Variants in LDLRAD4 observed in about 807,000 individuals in gnomAD.
The protein encoded by LDLRAD4 is low-density lipoprotein receptor class A domain-containing protein 4.
Under a neutral mutation model 17.0 loss-of-function variants are expected in LDLRAD4, and 5 were observed. That is an observed-to-expected ratio of 0.29 (90% CI 0.15 to 0.62). The LOEUF (loss-of-function observed/expected upper bound fraction) is 0.62. LDLRAD4 is among the 20% of genes least tolerant of loss of function. The pLI, the probability that LDLRAD4 is intolerant of heterozygous loss-of-function variation, is 0.84. For synonymous variants in LDLRAD4, 168 were observed against 171.8 expected (o/e 0.98, Z 0.17); for missense variants, 340 against 424.7 (o/e 0.80, Z 1.75).
chr18:13,375,006 G>A (rs963729611), intron 1 of LDLRAD4, among the ~76,000 whole-genome samples: 2 of 152,308 alleles, frequency 1.3e-5, no homozygotes, highest in East Asian at 1.9e-4. Context: ...AACAGATTGC[G>A]GGAACACTGG....
At chr18:13,410,658 A>G (rs777667362) in intron 2 of LDLRAD4, among the ~76,000 whole-genome samples, 1 of 152,238 alleles carries the variant, frequency 6.6e-6, no homozygotes, top group Admixed American at 6.5e-5. Context: ...TATGTTGTGT[A>G]TACATTTCTC....
intron 3 of LDLRAD4, among the ~76,000 whole-genome samples, chr18:13,572,023 A>G (rs1601470927): frequency 1.3e-5 from 2 of 152,360 alleles, no homozygotes; most frequent in South Asian, 2.1e-4. Flanking sequence ...TTAACTGTAC[A>G]GTAAGTCCCC....
At chr18:13,446,313 C>T (rs2091400933) in intron 3 of LDLRAD4, among the ~76,000 whole-genome samples, 1 of 152,188 alleles carries the variant, frequency 6.6e-6, no homozygotes, top group Non-Finnish European at 1.5e-5. Flanking sequence ...CTATTTTCCC[C>T]TCCCATGGTA....
Position 13,647,422 on chromosome 18 carries a change from G to A in LDLRAD4, c.*1765G>A, listed in dbSNP as rs1277547756. On this transcript the variant is annotated 3_prime_UTR_variant, in exon 6 of 6. Coordinates refer to ENST00000359446, the Ensembl canonical transcript of LDLRAD4. ...CCTCTGTGGCCTCTTCACATAACAA[G>A]ATGAGCTGGAATGATGATTCCATGA... 2.6e-5 allele frequency: 4 copies of A among 152,230 alleles called. No individual in the cohort carries two copies. The East Asian group carries it at 5.8e-4, about 22-fold the overall frequency. The allele number at this position is 152,230 out of a possible 1,614,324, so 9.4% of individuals were successfully genotyped here.
At chr18:13,631,820 G>A (rs955330859) in intron 4 of LDLRAD4, among the ~76,000 whole-genome samples, 6 of 152,058 alleles carry the variant, frequency 3.9e-5, no homozygotes, top group African/African-American at 7.2e-5. Flanking sequence ...CCAACTACTC[G>A]GGAGGCTGAG....
At chr18:13,481,416 G>A (rs1476962444) in intron 3 of LDLRAD4, among the ~76,000 whole-genome samples, 2 of 152,224 alleles carry the variant, frequency 1.3e-5, no homozygotes, top group African/African-American at 4.8e-5. Flanking sequence ...GGGGGCACGT[G>A]TAGACGCTGA....
chr18:13,227,848 C>T (rs1259775898), intron 1 of LDLRAD4, among the ~76,000 whole-genome samples: 1 of 152,140 alleles, frequency 6.6e-6, no homozygotes, highest in East Asian at 1.9e-4. Flanking sequence ...CCATGAGGTC[C>T]CTCCCCCAAC....
chr18:13,607,571 G>T (rs2095236718), intron 3 of LDLRAD4, among the ~76,000 whole-genome samples: 1 of 152,034 alleles, frequency 6.6e-6, no homozygotes. Flanking sequence ...TTAGTTATTT[G>T]TCCTATTGCC....
chr18:13,590,455 T>C (rs1238913448), intron 3 of LDLRAD4, among the ~76,000 whole-genome samples: 1 of 152,190 alleles, frequency 6.6e-6, no homozygotes. Flanking sequence ...ACATGGCGCA[T>C]GTGAGCATGC....
In LDLRAD4 at chr18:13,339,315, A is replaced by T. The variant is rs1599521613; in HGVS notation, c.-382-48026A>T. ...AACCTCTGCCTACTGGATTCAAGTG[A>T]GTCTCCTGCCTCAGCCTCCCGAGTA... On this transcript the variant is annotated intron_variant, in intron 1 of 5. Transcript: ENST00000359446. 3.3e-5 allele frequency among the ~76,000 whole-genome samples: 5 copies of T among 151,540 alleles called. No homozygotes were observed. The South Asian group carries it at 1.0e-3, about 32-fold the overall frequency.
At chr18:13,418,208 G>T in intron 2 of LDLRAD4, among the ~76,000 whole-genome samples, 1 of 152,138 alleles carries the variant, frequency 6.6e-6, no homozygotes, top group East Asian at 1.9e-4. Flanking sequence ...CTCAACCCTG[G>T]TTGTGCCAGA....
At chr18:13,496,592 G>A (rs2093475064) in intron 3 of LDLRAD4, among the ~76,000 whole-genome samples, 1 of 152,212 alleles carries the variant, frequency 6.6e-6, no homozygotes, top group Admixed American at 6.5e-5. Flanking sequence ...TCGAATTAGG[G>A]AGACTCAAGC....
At chr18:13,379,966 GCCCCTGCCCGCCAGC>G (rs61394393) in intron 1 of LDLRAD4, among the ~76,000 whole-genome samples, 4,015 of 145,580 alleles carry the variant, frequency 0.028, 100 homozygotes, top group Non-Finnish European at 0.035. Flanking sequence ...GCAGAGGCCT[GCCCCTGCCCGCCAGC>G]CCCCTGCCCG....
intron 3 of LDLRAD4, among the ~76,000 whole-genome samples, chr18:13,499,546 G>A (rs1250941663): frequency 1.4e-4 from 15 of 108,704 alleles, no homozygotes; most frequent in Admixed American, 1.9e-4. Flanking sequence ...AATCCTTCTC[G>A]CCACACACTT....
chr18:13,595,523 T>C (rs1286805553), intron 3 of LDLRAD4, among the ~76,000 whole-genome samples: 1 of 152,152 alleles, frequency 6.6e-6, no homozygotes, highest in Non-Finnish European at 1.5e-5. Flanking sequence ...GGGTGTTTTG[T>C]TTTGTTTTTG....
intron 3 of LDLRAD4, among the ~76,000 whole-genome samples, chr18:13,492,148 A>G (rs1200559373): frequency 6.6e-6 from 1 of 152,042 alleles, no homozygotes; most frequent in African/African-American, 2.4e-5. Flanking sequence ...GGGCAAGTCT[A>G]GCTAGAAACA....
intron 2 of LDLRAD4, among the ~76,000 whole-genome samples, chr18:13,414,007 A>C (rs2088627003): frequency 6.6e-6 from 1 of 152,232 alleles, no homozygotes; most frequent in Non-Finnish European, 1.5e-5. Flanking sequence ...ATCATTAAAT[A>C]AGTGGATGGT....
intron 2 of LDLRAD4, among the ~76,000 whole-genome samples, chr18:13,415,860 G>A (rs1245678207): frequency 6.6e-6 from 1 of 152,262 alleles, no homozygotes; most frequent in African/African-American, 2.4e-5. Flanking sequence ...CTATGCCCTT[G>A]TACCCCACGT....
At chr18:13,607,334 G>A (rs1226465447) in intron 3 of LDLRAD4, among the ~76,000 whole-genome samples, 1 of 152,226 alleles carries the variant, frequency 6.6e-6, no homozygotes, top group African/African-American at 2.4e-5. Context: ...GTGCTTGAAA[G>A]TGCTTTGCAT....
Sources: gnomAD v4.1 joint callset for allele counts (sites outside exome capture counted in the v4.1 genomes callset) on GRCh38, gnomAD v4.1.1 for gene constraint, MANE v1.5 for transcripts, NCBI Gene and HGNC (gene_info 2026-07-23, HGNC 2026-07-21) for gene names.